The following AUH variants were observed in gnomAD, a reference collection of about 807,000 sequenced individuals.
AUH encodes the protein methylglutaconyl-CoA hydratase, mitochondrial.
A neutral mutation model predicts 42.3 loss-of-function variants in AUH; 29 were observed. That is an observed-to-expected ratio of 0.69 (90% CI 0.51 to 0.93). The LOEUF (loss-of-function observed/expected upper bound fraction) is 0.93, where lower values mean the gene tolerates loss of function less well. Ranked by LOEUF, AUH falls within the 40% of genes least tolerant of loss-of-function variation. AUH has a pLI of 0.00. For synonymous variants in AUH, 174 were observed against 166.4 expected, an observed-to-expected ratio of 1.05 and a Z score of -0.35; for missense variants, 452 against 438.1, an observed-to-expected ratio of 1.03 and a Z score of -0.28.
chr9:91,355,977 A>C lies in AUH; in HGVS notation c.331-7T>G. 6.2e-7 allele frequency: 1 copy of C among 1,611,122 alleles called. No homozygotes were observed. The highest frequency in any genetic ancestry group is 8.5e-7 in the Non-Finnish European group (1 of 1,177,470). On this transcript the variant is annotated splice_polypyrimidine_tract_variant and splice_region_variant and intron_variant, in intron 2 of 9. Transcript: ENST00000375731. The stretch of plus-strand genomic sequence containing the variant: ...CATCCACAGCTTTTGATAGCTAAAC[A>C]GAAATAGGAAGCATAGGAGGAAAAA...
intron 4 of AUH, among the ~76,000 whole-genome samples, chr9:91,321,930 A>AAT (rs1428995257): frequency 6.6e-6 from 1 of 152,174 alleles, no homozygotes; most frequent in Non-Finnish European, 1.5e-5. Flanking sequence ...TAAAACCTAC[A>AAT]ATATTTACTA....
At chr9:91,228,663 T>A (rs1827675298) in intron 6 of AUH, among the ~76,000 whole-genome samples, 2 of 148,524 alleles carry the variant, frequency 1.3e-5, no homozygotes, top group South Asian at 2.2e-4. Context: ...CAATTTTGGA[T>A]CTTTCCTGCT....
chr9:91,283,522 G>A (rs1375112275), intron 6 of AUH, among the ~76,000 whole-genome samples: 1 of 152,198 alleles, frequency 6.6e-6, no homozygotes. Flanking sequence ...AAGTCAAATT[G>A]TCCCTGTTTG....
Position 91,361,752 on chromosome 9 carries a change from GC to G in AUH, c.137del (p.Gly46AlafsTer26). Reference sequence around the variant, plus strand: ...CCCAGCCCTGGGCCCAGATCGCCGGGCCCGCTCGCCGGCCTGCCAACGAGCC... The same window carrying G: ...CCCAGCCCTGGGCCCAGATCGCCGGGCCGCTCGCCGGCCTGCCAACGAGCC... ...LPGSLAGRRAGPAIWAQGWVP... is the reference protein window; with the variant it reads ...LPGSLAGRRAXPAIWAQGWVP... On this transcript the variant is annotated frameshift_variant, in exon 1 of 10. Transcript: ENST00000375731. LOFTEE classifies it high-confidence loss of function. The G allele has an allele frequency of 6.5e-7, 1 of 1,544,588 alleles. No homozygotes were observed. Among genetic ancestry groups the G allele is most frequent in the South Asian group, 1.2e-5 (1 of 83,216 alleles).
intron 6 of AUH, among the ~76,000 whole-genome samples, chr9:91,235,345 T>C (rs1179551287): frequency 6.6e-6 from 1 of 152,082 alleles, no homozygotes; most frequent in Non-Finnish European, 1.5e-5. Context: ...TCTGAAATGC[T>C]AGTTAAATGG....
chr9:91,246,742 C>A (rs778347379), intron 6 of AUH, among the ~76,000 whole-genome samples: 1 of 152,170 alleles, frequency 6.6e-6, no homozygotes, highest in African/African-American at 2.4e-5. Context: ...AGCAAATAAA[C>A]GTTAAGAGAA....
intron 6 of AUH, among the ~76,000 whole-genome samples, chr9:91,283,886 C>T (rs1284032007): frequency 6.6e-6 from 1 of 152,048 alleles, no homozygotes; most frequent in Non-Finnish European, 1.5e-5. Context: ...GCCATACTGC[C>T]CAAGGTAATT....
chr9:91,316,484 C>A (rs576478908), intron 4 of AUH, among the ~76,000 whole-genome samples: 2 of 152,324 alleles, frequency 1.3e-5, no homozygotes, highest in South Asian at 4.1e-4. Flanking sequence ...TACACCAGTT[C>A]AGCTCCCATT....
At chr9:91,233,164 A>G (rs1288541764) in intron 6 of AUH, among the ~76,000 whole-genome samples, 6 of 152,272 alleles carry the variant, frequency 3.9e-5, no homozygotes, top group African/African-American at 1.4e-4. Context: ...AGAGAGTAAG[A>G]AAGCGGGGGG....
chr9:91,345,364 C>T (rs1831418149), intron 3 of AUH, among the ~76,000 whole-genome samples: 1 of 151,838 alleles, frequency 6.6e-6, no homozygotes. Context: ...GATACAAAGA[C>T]AATATACAAA....
intron 6 of AUH, among the ~76,000 whole-genome samples, chr9:91,245,558 T>C (rs1213113058): frequency 6.6e-6 from 1 of 152,004 alleles, no homozygotes; most frequent in Non-Finnish European, 1.5e-5. Context: ...TGAAAATAAA[T>C]GAAACAAGAT....
At chr9:91,251,405 T>G (rs772315577) in intron 6 of AUH, among the ~76,000 whole-genome samples, 1 of 152,236 alleles carries the variant, frequency 6.6e-6, no homozygotes, top group Non-Finnish European at 1.5e-5. Flanking sequence ...ATGCCTTTGC[T>G]GTGTGTTTTC....
chr9:91,301,760 A>T (rs1273913424), intron 4 of AUH, among the ~76,000 whole-genome samples: 1 of 152,224 alleles, frequency 6.6e-6, no homozygotes, highest in Non-Finnish European at 1.5e-5. Context: ...CAGGCACCAT[A>T]TGCCTTACAA....
chr9:91,275,305 T>C (rs1197543665), intron 6 of AUH, among the ~76,000 whole-genome samples: 3 of 152,324 alleles, frequency 2.0e-5, no homozygotes, highest in South Asian at 2.1e-4. Context: ...GTGAGGTTAG[T>C]GGTTTTGTAA....
At chr9:91,254,316 T>C (rs1484770753) in intron 6 of AUH, among the ~76,000 whole-genome samples, 2 of 152,062 alleles carry the variant, frequency 1.3e-5, no homozygotes, top group Non-Finnish European at 2.9e-5. Flanking sequence ...GCAGGGGCAC[T>C]GGGAACAAGA....
At chr9:91,281,477 C>T (rs768424488) in intron 6 of AUH, among the ~76,000 whole-genome samples, 6 of 152,148 alleles carry the variant, frequency 3.9e-5, no homozygotes, top group Non-Finnish European at 8.8e-5. Flanking sequence ...ATGAATCCCA[C>T]GGTTTTTTAT....
intron 4 of AUH, among the ~76,000 whole-genome samples, chr9:91,318,404 A>G (rs1233182503): frequency 6.6e-6 from 1 of 152,170 alleles, no homozygotes; most frequent in Non-Finnish European, 1.5e-5. Flanking sequence ...TTTGTCTCTA[A>G]ATACAGCCTT....
Position 91,241,481 on chromosome 9 carries a change from T to C in AUH, c.656-20489A>G, listed in dbSNP as rs566150506. Among the ~76,000 whole-genome samples, 16 of 152,280 alleles carry C rather than the reference T, an allele frequency of 1.1e-4. No homozygotes were observed. In the South Asian group the frequency reaches 3.3e-3, roughly 32 times the overall value. ...ATAAGGATTATGGCTAGGCTGGATA[T>C]TTTTTCCTTTTTGAGATTTTGTGTT... is the stretch of plus-strand genomic sequence containing the variant. On this transcript the variant is annotated intron_variant, in intron 6 of 9. Transcript: ENST00000375731.
Position 91,297,996 on chromosome 9 carries a change from T to C in AUH, c.586A>G (p.Ile196Val), listed in dbSNP as rs1161182945. ...GGLELALACD[I>V]RVAASSAKMG... ...GATTAATTCTTACCTGCTACTCGTA[T>C]ATCACAGGCTAAAGCCAGTTCAAGA... The change falls in exon 5 of 10, where the codon ATA becomes GTA. Residue 196 changes from isoleucine to valine, a missense_variant. Transcript: ENST00000375731. The C allele has an allele frequency of 6.2e-7, 1 of 1,607,822 alleles. No homozygotes were observed. The highest frequency in any genetic ancestry group is 1.7e-4 in the Middle Eastern group (1 of 6,052).
Sources: gnomAD v4.1 joint callset for allele counts (sites outside exome capture counted in the v4.1 genomes callset) on GRCh38, gnomAD v4.1.1 for gene constraint, MANE v1.5 for transcripts, NCBI Gene and HGNC (gene_info 2026-07-23, HGNC 2026-07-21) for gene names.